The following ROBO2 variants were observed in gnomAD, a reference collection of about 807,000 sequenced individuals.
ROBO2 encodes the protein roundabout homolog 2.
ROBO2 carries 53 observed loss-of-function variants against 160.8 expected under a neutral mutation model. The ratio of observed to expected loss-of-function variants is 0.33; its 90% CI spans 0.26 to 0.41. ROBO2 has a LOEUF of 0.41. Ranked by LOEUF, ROBO2 falls within the 10% of genes least tolerant of loss-of-function variation. The pLI is 1.00. For synonymous variants in ROBO2, 664 were observed against 611.7 expected (o/e 1.09, Z -1.26); for missense variants, 1,577 against 1,722.4 (o/e 0.92, Z 1.49).
chr3:77,224,607 T>C (rs2086247205), intron 2 of ROBO2, among the ~76,000 whole-genome samples: 1 of 151,962 alleles, frequency 6.6e-6, no homozygotes, highest in Non-Finnish European at 1.5e-5. Flanking sequence ...CTAGGGTTTA[T>C]CTTAAAATTG....
chr3:76,458,937 T>A (rs1277115206), intron 2 of ROBO2, among the ~76,000 whole-genome samples: 1 of 152,190 alleles, frequency 6.6e-6, no homozygotes, highest in Non-Finnish European at 1.5e-5. Flanking sequence ...ACAATTCAAG[T>A]TTAGGTTTGG....
chr3:76,680,344 T>C (rs1328420835), intron 2 of ROBO2, among the ~76,000 whole-genome samples: 1 of 137,284 alleles, frequency 7.3e-6, no homozygotes, highest in Non-Finnish European at 1.5e-5. Flanking sequence ...ATATACTTCC[T>C]GACATGGATA....
intron 2 of ROBO2, among the ~76,000 whole-genome samples, chr3:76,911,606 C>T (rs906905136): frequency 2.6e-5 from 4 of 152,128 alleles, no homozygotes; most frequent in African/African-American, 9.7e-5. Flanking sequence ...TAGAAAAGCA[C>T]CTTGGCTAAA....
intron 2 of ROBO2, among the ~76,000 whole-genome samples, chr3:76,184,135 C>T (rs781213237): frequency 1.2e-4 from 18 of 152,170 alleles, no homozygotes; most frequent in East Asian, 9.7e-4. Flanking sequence ...ATTTGGTTCA[C>T]GTGTGTGTGG....
intron 2 of ROBO2, among the ~76,000 whole-genome samples, chr3:76,704,908 G>A (rs1329545512): frequency 1.3e-5 from 2 of 152,012 alleles, no homozygotes; most frequent in Admixed American, 6.6e-5. Context: ...AATTTATTTT[G>A]CATCTAAAAA....
chr3:77,575,864 A>G (rs1415143640), intron 14 of ROBO2, among the ~76,000 whole-genome samples: 1 of 152,120 alleles, frequency 6.6e-6, no homozygotes, highest in East Asian at 1.9e-4. Flanking sequence ...ATTTCACTGC[A>G]GTTAGACTTT....
intron 16 of ROBO2, among the ~76,000 whole-genome samples, chr3:77,585,377 T>C (rs2094020035): frequency 6.6e-6 from 1 of 151,838 alleles, no homozygotes; most frequent in Admixed American, 6.6e-5. Flanking sequence ...AAGTTAATGA[T>C]TATTTTAAAC....
In ROBO2 at chr3:77,236,362, G is replaced by A. The variant is rs187474424; in HGVS notation, c.388+138022G>A. On this transcript the variant is annotated intron_variant, in intron 2 of 25. Transcript: ENST00000461745. The stretch of plus-strand genomic sequence containing the variant: ...GCTTCACAGAGAACAGACGGTAAAT[G>A]TTCATCGGACTTAAGGTCTGTGCCA... Among the ~76,000 whole-genome samples the A allele has an allele frequency of 5.4e-4, 82 of 152,304 alleles. 1 individual carries two copies. The highest frequency in any genetic ancestry group is 3.5e-3 in the Admixed American group (54 of 15,306).
At chr3:76,467,928 T>C (rs1330473111) in intron 2 of ROBO2, among the ~76,000 whole-genome samples, 1 of 152,176 alleles carries the variant, frequency 6.6e-6, no homozygotes, top group African/African-American at 2.4e-5. Flanking sequence ...TCATAAGTAG[T>C]ATTTTTTTAA....
chr3:76,753,650 G>A (rs2060803697), intron 2 of ROBO2, among the ~76,000 whole-genome samples: 1 of 151,806 alleles, frequency 6.6e-6, no homozygotes, highest in Non-Finnish European at 1.5e-5. Flanking sequence ...AATATGGCAG[G>A]TCACATACTG....
At chr3:76,534,543 T>C (rs2082392989) in intron 2 of ROBO2, among the ~76,000 whole-genome samples, 1 of 152,000 alleles carries the variant, frequency 6.6e-6, no homozygotes, top group Admixed American at 6.6e-5. Flanking sequence ...GCAGGAGAGA[T>C]AGTAAGGAAA....
In ROBO2 at chr3:76,135,924, T is replaced by G. The variant is rs1345093751; in HGVS notation, c.109+198322T>G. On this transcript the variant is annotated intron_variant, in intron 2 of 26. Coordinates refer to the ROBO2 transcript ENST00000487694. ...GAGTATTAAAAACTTGCATTACACT[T>G]ACAAATGTTTATTTTACTACAAGGC... Among the ~76,000 whole-genome samples, 4 of 150,304 alleles carry G rather than the reference T, an allele frequency of 2.7e-5. No homozygotes were observed. The Admixed American group carries it at 2.7e-4, about 10-fold the overall frequency.
intron 2 of ROBO2, among the ~76,000 whole-genome samples, chr3:76,625,674 T>G (rs932465943): frequency 6.6e-6 from 1 of 152,116 alleles, no homozygotes; most frequent in Non-Finnish European, 1.5e-5. Flanking sequence ...CTCCAGAACT[T>G]CAATATGCTT....
intron 2 of ROBO2, among the ~76,000 whole-genome samples, chr3:76,598,540 A>C (rs1403093426): frequency 6.6e-6 from 1 of 152,136 alleles, no homozygotes; most frequent in Non-Finnish European, 1.5e-5. Flanking sequence ...GTTTTATAAA[A>C]TGTTACCATT....
At chr3:75,965,342 T>C (rs1408499671) in intron 2 of ROBO2, among the ~76,000 whole-genome samples, 1 of 151,900 alleles carries the variant, frequency 6.6e-6, no homozygotes, top group Non-Finnish European at 1.5e-5. Context: ...CCCCGCACTT[T>C]AGTGACTGAT....
intron 2 of ROBO2, among the ~76,000 whole-genome samples, chr3:76,326,293 T>TTGGGATTTA (rs2073009992): frequency 2.0e-5 from 3 of 152,160 alleles, no homozygotes; most frequent in African/African-American, 7.2e-5. Flanking sequence ...CTATAACTCC[T>TTGGGATTTA]CTTTGTAAGA....
chr3:76,363,454 G>GT (rs1248812397), intron 2 of ROBO2, among the ~76,000 whole-genome samples: 7 of 151,990 alleles, frequency 4.6e-5, no homozygotes, highest in African/African-American at 1.7e-4. Context: ...AAAGGATATC[G>GT]TAACAGAATC....
At chr3:77,007,398 T>C (rs1421798989) in intron 2 of ROBO2, among the ~76,000 whole-genome samples, 2 of 152,060 alleles carry the variant, frequency 1.3e-5, no homozygotes, top group Non-Finnish European at 2.9e-5. Flanking sequence ...AATATGAACA[T>C]CCATCCTCAT....
At chr3:76,006,072 T>G (rs2066012992) in intron 2 of ROBO2, among the ~76,000 whole-genome samples, 1 of 152,226 alleles carries the variant, frequency 6.6e-6, no homozygotes, top group Admixed American at 6.5e-5. Context: ...GCTTGAAGTA[T>G]CTTGTCCTTA....
Sources: gnomAD v4.1 joint callset for allele counts (sites outside exome capture counted in the v4.1 genomes callset) on GRCh38, gnomAD v4.1.1 for gene constraint, MANE v1.5 for transcripts, NCBI Gene and HGNC (gene_info 2026-07-23, HGNC 2026-07-21) for gene names.